PDGFRL: variants seen among roughly 807,000 people sequenced by gnomAD.
PDGFRL encodes platelet derived growth factor receptor like, also known as platelet-derived growth factor receptor-like protein.
Under a neutral mutation model 37.2 loss-of-function variants are expected in PDGFRL, and 46 were observed. The ratio of observed to expected loss-of-function variants is 1.24; its 90% CI spans 0.98 to 1.58. PDGFRL has a LOEUF of 1.58. Ranked by LOEUF, PDGFRL falls within the 40% of genes most tolerant of loss-of-function variation. The probability of loss-of-function intolerance (pLI) is 0.00; values close to 1 mark genes in which losing one functional copy is unlikely to be tolerated. For missense variants in PDGFRL, 692 were observed against 467.6 expected (o/e 1.48, Z -4.43); for synonymous variants, 251 against 184.3 (o/e 1.36, Z -2.93).
At chr8:17,633,738 C>T (rs1007230934) in intron 4 of PDGFRL, among the ~76,000 whole-genome samples, 1 of 152,188 alleles carries the variant, frequency 6.6e-6, no homozygotes, top group Non-Finnish European at 1.5e-5. Context: ...CCCAGTACTT[C>T]CTCCCTGCTT....
At chr8:17,577,193 C>T, upstream of PDGFRL, 1 of 1,577,400 alleles carries the variant, frequency 6.3e-7, no homozygotes, top group East Asian at 2.3e-5. Flanking sequence ...GCCGCCTCCC[C>T]TGCGTCCCCG....
chr8:17,617,791 G>A (rs1804558380), intron 2 of PDGFRL, among the ~76,000 whole-genome samples: 1 of 152,108 alleles, frequency 6.6e-6, no homozygotes. Context: ...TTTCTTACGT[G>A]CCTAATTACT....
At position 17,628,737 on chromosome 8, in the gene PDGFRL, C is replaced by A. The variant is rs768652843; in HGVS notation, c.756C>A (p.Gly252=). ...TTTACTGCAGGGCGGAGGCCGGGGG[C>A]AGATCTCAGATCTCCGTCAAGTACC... is the stretch of plus-strand genomic sequence containing the variant. ...GVVYCRAEAG[G]RSQISVKYQL... The change falls in exon 4 of 6, where the codon GGC becomes GGA. Residue 252 remains glycine, a synonymous_variant. Transcript: ENST00000251630. The A allele has an allele frequency of 2.5e-6, 4 of 1,613,976 alleles. No individual in the cohort carries two copies. The highest frequency in any genetic ancestry group is 3.4e-6 in the Non-Finnish European group (4 of 1,179,872).
At chr8:17,592,825 C>G (rs1803968646) in intron 2 of PDGFRL, among the ~76,000 whole-genome samples, 1 of 152,084 alleles carries the variant, frequency 6.6e-6, no homozygotes, top group Non-Finnish European at 1.5e-5. Context: ...TTCACTGAGA[C>G]TTAGCTGAGT....
chr8:17,603,342 C>G (rs923195824), intron 2 of PDGFRL, among the ~76,000 whole-genome samples: 2 of 152,204 alleles, frequency 1.3e-5, no homozygotes, highest in Non-Finnish European at 2.9e-5. Context: ...TGTACCCACA[C>G]AGGGACAAAT....
chr8:17,590,371 C>T (rs1803910856), intron 2 of PDGFRL, among the ~76,000 whole-genome samples: 1 of 150,982 alleles, frequency 6.6e-6, no homozygotes, highest in African/African-American at 2.4e-5. Context: ...TATGGGAAAC[C>T]AAAATGTTAT....
chr8:17,576,725 G>C (rs1803587514), upstream of PDGFRL: 2 of 984,194 alleles, frequency 2.0e-6, no homozygotes, highest in African/African-American at 3.5e-5. Context: ...GCCAGACACA[G>C]AGGAGCAGCA....
chr8:17,588,837 G>A (rs1366126203), intron 1 of PDGFRL, among the ~76,000 whole-genome samples: 1 of 152,168 alleles, frequency 6.6e-6, no homozygotes. Context: ...CAGTTCTGCT[G>A]TTTTGTGTGA....
intron 4 of PDGFRL, among the ~76,000 whole-genome samples, chr8:17,630,911 C>A (rs1804848231): frequency 6.6e-6 from 1 of 152,096 alleles, no homozygotes; most frequent in Non-Finnish European, 1.5e-5. Flanking sequence ...GTATGAACTT[C>A]TTTGCTCTGA....
intron 1 of PDGFRL, among the ~76,000 whole-genome samples, chr8:17,582,541 C>T (rs941069874): frequency 1.4e-5 from 2 of 145,528 alleles, no homozygotes; most frequent in African/African-American, 2.6e-5. Flanking sequence ...GAGATCAGGC[C>T]ACTGTACTGC....
At chr8:17,642,088 C>G (rs998171552) in intron 5 of PDGFRL, among the ~76,000 whole-genome samples, 1 of 152,138 alleles carries the variant, frequency 6.6e-6, no homozygotes, top group Admixed American at 6.5e-5. Context: ...ATCCTTGGTA[C>G]AACTTTTCTC....
intron 2 of PDGFRL, among the ~76,000 whole-genome samples, chr8:17,594,284 A>C (rs1405013605): frequency 6.6e-6 from 1 of 152,190 alleles, no homozygotes; most frequent in Non-Finnish European, 1.5e-5. Flanking sequence ...TCTGTCACCC[A>C]GGCTGGAGTG....
chr8:17,576,768 C>T (rs1803588500), upstream of PDGFRL: 6 of 770,886 alleles, frequency 7.8e-6, no homozygotes, highest in South Asian at 3.5e-4. Flanking sequence ...TGAGTGAGTG[C>T]ATGTGGGGGA....
chr8:17,595,536 G>A (rs1397362838), intron 2 of PDGFRL, among the ~76,000 whole-genome samples: 5 of 152,162 alleles, frequency 3.3e-5, no homozygotes, highest in African/African-American at 1.2e-4. Context: ...ACTCTCCTGG[G>A]CCCTGGTCTG....
chr8:17,580,864 T>G (rs1803691269), intron 1 of PDGFRL, among the ~76,000 whole-genome samples: 1 of 151,962 alleles, frequency 6.6e-6, no homozygotes, highest in Non-Finnish European at 1.5e-5. Flanking sequence ...CCCTTGGCAT[T>G]TTTTTTAGCT....
Position 17,583,468 on chromosome 8 carries a change from A to G in PDGFRL, c.56-6000A>G, listed in dbSNP as rs150448820. 1.3e-4 allele frequency among the ~76,000 whole-genome samples: 20 copies of G among 152,232 alleles called. 1 individual carries two copies. In the East Asian group the frequency reaches 3.9e-3, roughly 29 times the overall value. The stretch of plus-strand genomic sequence containing the variant: ...GCCTCAAGCTCAGATGAGACTTTGG[A>G]CTTTTGAGTTGATGCTGGAACAAGT... On this transcript the variant is annotated intron_variant, in intron 1 of 5. Coordinates refer to ENST00000251630, the MANE Select transcript of PDGFRL (RefSeq NM_001372073.1).
At chr8:17,596,175 G>C (rs1804048111) in intron 2 of PDGFRL, 6 of 407,970 alleles carry the variant, frequency 1.5e-5, no homozygotes, top group African/African-American at 8.2e-5. Flanking sequence ...GCCGGAGGCA[G>C]TTAGGAGCCC....
intron 3 of PDGFRL, 38 bp from the exon 4 acceptor site, chr8:17,628,449 C>T: frequency 1.9e-6 from 3 of 1,567,154 alleles, no homozygotes; most frequent in Non-Finnish European, 2.6e-6. Flanking sequence ...CTTTGCGTCT[C>T]CGGAGTGAAT....
intron 2 of PDGFRL, among the ~76,000 whole-genome samples, chr8:17,616,581 T>C (rs1454351550): frequency 6.6e-6 from 1 of 152,114 alleles, no homozygotes; most frequent in African/African-American, 2.4e-5. Flanking sequence ...AAACTTGCCT[T>C]TTTTCTTCTC....
Sources: allele counts gnomAD v4.1 joint callset (sites outside exome capture counted in the v4.1 genomes callset), GRCh38; gene constraint gnomAD v4.1.1; transcripts MANE v1.5; gene names NCBI Gene and HGNC (gene_info 2026-07-23, HGNC 2026-07-21).